KIAA1217: variants seen among roughly 807,000 people sequenced by gnomAD.
The protein encoded by KIAA1217 is sickle tail protein homolog.
A neutral mutation model predicts 163.9 loss-of-function variants in KIAA1217; 88 were observed. The observed-to-expected ratio is 0.54, with a 90% confidence interval of 0.45 to 0.64. The LOEUF (loss-of-function observed/expected upper bound fraction) is 0.64. Among genes scored for constraint, KIAA1217 ranks in the 30% least tolerant of loss-of-function variants. The pLI is 0.00. For missense variants in KIAA1217, 2,372 were observed against 2,475.0 expected (o/e 0.96, Z 0.88); for synonymous variants, 903 against 923.1 (o/e 0.98, Z 0.39).
intron 1 of KIAA1217, among the ~76,000 whole-genome samples, chr10:23,818,772 A>T (rs550955222): frequency 4.6e-5 from 7 of 152,308 alleles, no homozygotes; most frequent in African/African-American, 1.7e-4. Flanking sequence ...GTTGGGGGAA[A>T]GGGTCAGCCA....
chr10:23,895,820 T>G (rs963761890), intron 1 of KIAA1217, among the ~76,000 whole-genome samples: 2 of 151,726 alleles, frequency 1.3e-5, no homozygotes, highest in African/African-American at 4.8e-5. Flanking sequence ...TCATAAAAAA[T>G]GATGAGTTCA....
chr10:24,507,917 C>G (rs1187866849), intron 9 of KIAA1217, among the ~76,000 whole-genome samples: 1 of 152,178 alleles, frequency 6.6e-6, no homozygotes, highest in Non-Finnish European at 1.5e-5. Context: ...ATGCCAACTT[C>G]TCATCAGAAA....
intron 2 of KIAA1217, among the ~76,000 whole-genome samples, chr10:24,366,416 G>A (rs943495832): frequency 6.6e-6 from 1 of 152,138 alleles, no homozygotes; most frequent in African/African-American, 2.4e-5. Flanking sequence ...CTGCACTCCA[G>A]CCTGGGCGAC....
At chr10:24,338,487 A>G (rs1171046754) in intron 2 of KIAA1217, among the ~76,000 whole-genome samples, 1 of 152,210 alleles carries the variant, frequency 6.6e-6, no homozygotes, top group Non-Finnish European at 1.5e-5. Flanking sequence ...TAGCATGTGC[A>G]CAAGTCAGAA....
intron 1 of KIAA1217, among the ~76,000 whole-genome samples, chr10:23,748,800 G>A (rs1269251827): frequency 6.6e-6 from 1 of 152,030 alleles, no homozygotes; most frequent in Non-Finnish European, 1.5e-5. Context: ...ATCACTGTCA[G>A]CACTACCTTC....
intron 13 of KIAA1217, among the ~76,000 whole-genome samples, chr10:24,525,080 G>A (rs533649443): frequency 7.8e-4 from 118 of 152,066 alleles, no homozygotes; most frequent in African/African-American, 2.1e-3. Context: ...TTGTGGCGGC[G>A]GGGTGGGGGG....
intron 2 of KIAA1217, among the ~76,000 whole-genome samples, chr10:24,349,889 T>C (rs770532242): frequency 4.6e-5 from 7 of 152,184 alleles, no homozygotes; most frequent in Non-Finnish European, 8.8e-5. Flanking sequence ...GAAAAGCTTG[T>C]GTACTCAGAA....
chr10:24,478,255 A>T (rs1203221649), intron 6 of KIAA1217, among the ~76,000 whole-genome samples: 3 of 152,182 alleles, frequency 2.0e-5, no homozygotes, highest in Non-Finnish European at 4.4e-5. Context: ...AGCTTTTTTG[A>T]AGGAACATGA....
intron 1 of KIAA1217, among the ~76,000 whole-genome samples, chr10:23,917,353 G>T (rs1249334708): frequency 6.6e-6 from 1 of 152,160 alleles, no homozygotes; most frequent in Non-Finnish European, 1.5e-5. Context: ...GGGCAGTAGG[G>T]CATCTGAGAC....
chr10:24,180,047 G>C (rs941036686), intron 2 of KIAA1217, among the ~76,000 whole-genome samples: 2 of 152,168 alleles, frequency 1.3e-5, no homozygotes, highest in Non-Finnish European at 2.9e-5. Context: ...AGTGATAAGA[G>C]TTATCTCCTT....
intron 1 of KIAA1217, among the ~76,000 whole-genome samples, chr10:23,989,530 G>T (rs72649705): frequency 0.028 from 4,310 of 152,240 alleles, 169 homozygotes; most frequent in East Asian, 0.12. Context: ...TCTGAATATA[G>T]AGCAGGTCAC....
At chr10:24,280,743 G>A (rs2077823558) in intron 2 of KIAA1217, among the ~76,000 whole-genome samples, 1 of 150,658 alleles carries the variant, frequency 6.6e-6, no homozygotes, top group African/African-American at 2.4e-5. Context: ...CTGGGAGGCG[G>A]AGCTTGCAGT....
At chr10:24,222,143 A>G (rs1169967738) in intron 2 of KIAA1217, among the ~76,000 whole-genome samples, 3 of 152,198 alleles carry the variant, frequency 2.0e-5, no homozygotes, top group African/African-American at 4.8e-5. Flanking sequence ...AAACAATTAC[A>G]AGGGAAGCCT....
chr10:23,830,044 CCAA>C (rs893444996), intron 1 of KIAA1217, among the ~76,000 whole-genome samples: 2 of 152,100 alleles, frequency 1.3e-5, no homozygotes, highest in African/African-American at 4.8e-5. Flanking sequence ...TGCTATTTTG[CCAA>C]CAACATTTTC....
At chr10:24,246,114 A>C (rs2073776327) in intron 2 of KIAA1217, among the ~76,000 whole-genome samples, 1 of 152,158 alleles carries the variant, frequency 6.6e-6, no homozygotes, top group South Asian at 2.1e-4. Context: ...TTTTTATGAT[A>C]AGTTTTAAGA....
At chr10:24,333,663 G>T (rs990759372) in intron 2 of KIAA1217, among the ~76,000 whole-genome samples, 1 of 152,170 alleles carries the variant, frequency 6.6e-6, no homozygotes, top group Non-Finnish European at 1.5e-5. Context: ...CAATAGGCTG[G>T]CCTACAAGGT....
intron 2 of KIAA1217, among the ~76,000 whole-genome samples, chr10:24,119,230 T>C (rs186724573): frequency 8.2e-4 from 125 of 152,340 alleles, no homozygotes; most frequent in Non-Finnish European, 1.6e-3. Context: ...ATAAACGATA[T>C]TTTAACTTGG....
At position 24,281,329 on chromosome 10, in the gene KIAA1217, A is replaced by G. The variant is rs557885355; in HGVS notation, c.354+61420A>G. Among the ~76,000 whole-genome samples the G allele has an allele frequency of 1.4e-4, 22 of 152,340 alleles. No homozygotes were observed. In the South Asian group the frequency reaches 4.6e-3, roughly 32 times the overall value. Reference sequence around the variant, plus strand: ...CATTCCATTTCAGTATACATGAATTACAAGATCAGAATTGTTAACCCATGC... The same window carrying G: ...CATTCCATTTCAGTATACATGAATTGCAAGATCAGAATTGTTAACCCATGC... On this transcript the variant is annotated intron_variant, in intron 2 of 20. Transcript: ENST00000376454.
intron 2 of KIAA1217, among the ~76,000 whole-genome samples, chr10:24,337,792 T>C (rs1402353500): frequency 1.3e-4 from 20 of 151,792 alleles, no homozygotes; most frequent in Admixed American, 1.3e-3. Context: ...TACAGGTGCC[T>C]GCCACCATGC....
Sources: allele counts gnomAD v4.1 joint callset (sites outside exome capture counted in the v4.1 genomes callset), GRCh38; gene constraint gnomAD v4.1.1; transcripts MANE v1.5; gene names NCBI Gene and HGNC (gene_info 2026-07-23, HGNC 2026-07-21).